Variants in BRIP1 observed in about 807,000 individuals in gnomAD.
The protein encoded by BRIP1 is BRCA1 interacting DNA helicase 1.
A neutral mutation model predicts 119.7 loss-of-function variants in BRIP1; 88 were observed. The observed-to-expected ratio is 0.74, with a 90% CI of 0.62 to 0.88. The LOEUF (loss-of-function observed/expected upper bound fraction) is 0.88. Ranked by LOEUF, BRIP1 falls within the 40% of genes least tolerant of loss-of-function variation. The pLI is 0.00. For synonymous variants in BRIP1, 443 were observed against 496.5 expected (o/e 0.89, Z 1.43); for missense variants, 1,259 against 1,455.4 (o/e 0.87, Z 2.20).
rs532612544 is a variant in BRIP1 at position 61,827,428 on chromosome 17, T to C, written c.628-18671A>G. ...TGTACCCCTGAACTTAAAATAAAAA[T>C]TAAATTTAAAAAAAATGGGGCTGGG... On this transcript the variant is annotated intron_variant, in intron 6 of 19. Coordinates refer to ENST00000259008, the MANE Select transcript of BRIP1 (RefSeq NM_032043.3). This position sits in a 1 kb window ranked among gnomAD's most constrained non-coding sequence, Gnocchi z 5.8. 5.9e-5 allele frequency among the ~76,000 whole-genome samples: 9 copies of C among 151,884 alleles called. No individual in the cohort carries two copies. Among genetic ancestry groups the C allele is most frequent in the Non-Finnish European group, 8.8e-5 (6 of 67,976 alleles).
Position 61,789,596 on chromosome 17 carries a change from A to G in BRIP1, c.1473+4001T>C, listed in dbSNP as rs2077784991. Among the ~76,000 whole-genome samples the G allele has an allele frequency of 6.6e-6, 1 of 152,196 alleles. No homozygotes were observed. Among genetic ancestry groups the G allele is most frequent in the South Asian group, 2.1e-4 (1 of 4,832 alleles). The stretch of plus-strand genomic sequence containing the variant: ...ACAATTCATAAGGGATGTTCATATC[A>G]GAACTGTTTATTATACTGGGAAACT... On this transcript the variant is annotated intron_variant, in intron 10 of 19. Coordinates refer to ENST00000259008, the MANE Select transcript of BRIP1 (RefSeq NM_032043.3). This position sits in a 1 kb window ranked among gnomAD's most constrained non-coding sequence, Gnocchi z 4.8.
intron 5 of BRIP1, 142 bp from the exon 6 acceptor site, chr17:61,847,362 T>A (rs1368937364): frequency 1.1e-6 from 1 of 911,048 alleles, no homozygotes; most frequent in African/African-American, 1.7e-5. Flanking sequence ...ATAAAAGAAA[T>A]TTTAAAAATG....
intron 7 of BRIP1, among the ~76,000 whole-genome samples, chr17:61,801,939 T>A (rs776187455): frequency 2.0e-5 from 3 of 152,128 alleles, no homozygotes; most frequent in Admixed American, 6.5e-5. Flanking sequence ...TAGTATTTCT[T>A]ATTCAAATAT....
At chr17:61,787,213 ATATAT>A (rs1419406207) in intron 10 of BRIP1, among the ~76,000 whole-genome samples, 3 of 66,458 alleles carry the variant, frequency 4.5e-5, no homozygotes, top group African/African-American at 2.4e-4. Context: ...ATATATAAAA[ATATAT>A]TATATACTAT....
intron 17 of BRIP1, among the ~76,000 whole-genome samples, chr17:61,707,364 T>C (rs2061705917): frequency 6.6e-6 from 1 of 152,136 alleles, no homozygotes; most frequent in Non-Finnish European, 1.5e-5. Flanking sequence ...AAGGGCACAG[T>C]GAAGTGCTTT....
chr17:61,747,902 A>ATT lies in BRIP1; in HGVS notation c.2098-3313_2098-3312dup, dbSNP rs35956751. Among the ~76,000 whole-genome samples, 913 of 141,150 alleles carry ATT rather than the reference A, an allele frequency of 6.5e-3. 7 individuals are homozygous for ATT. The highest frequency in any genetic ancestry group is 0.016 in the African/African-American group (623 of 38,418). 92.6% of individuals were successfully genotyped at this position (141,150 alleles called of 152,430 possible). A position where few individuals can be genotyped will look rare whatever the true frequency, so the allele number is the denominator to read the frequency against. On this transcript the variant is annotated intron_variant, in intron 14 of 19. Transcript: ENST00000259008. Reference sequence around the variant, plus strand: ...AGGCATGAGCCACCATGCCCTGGTAATTTTTTTTTTTTTTTTGTAGGTATG... The same window carrying ATT: ...AGGCATGAGCCACCATGCCCTGGTAATTTTTTTTTTTTTTTTTTGTAGGTATG...
In BRIP1 at chr17:61,769,477, T is replaced by C. The variant is rs2077417109; in HGVS notation, c.2097+6924A>G. ...ATAATATTAATACATTTAATAACTG[T>C]AGTCACTGTACTATGTGAGAATTGA... is the stretch of plus-strand genomic sequence containing the variant. On this transcript the variant is annotated intron_variant, in intron 14 of 19. Transcript: ENST00000259008. This position sits in a 1 kb window ranked among gnomAD's most constrained non-coding sequence, Gnocchi z 4.9. 1.3e-5 allele frequency among the ~76,000 whole-genome samples: 2 copies of C among 152,166 alleles called. No homozygotes were observed. The highest frequency in any genetic ancestry group is 6.6e-5 in the Admixed American group (1 of 15,266).
chr17:61,726,690 T>TA lies in BRIP1; in HGVS notation c.2380-10628dup, dbSNP rs1038537175. Among the ~76,000 whole-genome samples the TA allele has an allele frequency of 2.6e-5, 4 of 152,212 alleles. No homozygotes were observed. The highest frequency in any genetic ancestry group is 9.6e-5 in the African/African-American group (4 of 41,454). On this transcript the variant is annotated intron_variant, in intron 16 of 19. Transcript: ENST00000259008. The surrounding 1 kb of genome is among the most constrained non-coding windows in gnomAD (Gnocchi z 6.2). ...TCAAACAGTTTTGAAACAAATATTT[T>TA]AAAAAATAACTTCTACAATTGATCT...
Position 61,682,816 on chromosome 17 carries a change from C to A in BRIP1, c.*480G>T. ...AAGGAAGACTTATTTGAGGACAGTA[C>A]TTTGTATGAATTACTTTATCAAAAC... On this transcript the variant is annotated 3_prime_UTR_variant, in exon 20 of 20. Transcript: ENST00000259008. The surrounding 1 kb of genome is among the most constrained non-coding windows in gnomAD (Gnocchi z 4.9). 5.2e-6 allele frequency: 1 copy of A among 191,972 alleles called. No individual in the cohort carries two copies. Among genetic ancestry groups the A allele is most frequent in the Non-Finnish European group, 1.1e-5 (1 of 91,950 alleles). The allele number at this position is 191,972 out of a possible 1,614,324, so 11.9% of individuals were successfully genotyped here. A position where few individuals can be genotyped will look rare whatever the true frequency, so the allele number is the denominator to read the frequency against.
In BRIP1 at chr17:61,856,944, A is replaced by G. The variant is rs2078903290; in HGVS notation, c.379+114T>C. ...TTTAAAATCATTCCAGAGAAACTAG[A>G]TAGAGATATATAATCAGTTATGCTA... On this transcript the variant is annotated intron_variant, in intron 4 of 19. Coordinates refer to ENST00000259008, the MANE Select transcript of BRIP1 (RefSeq NM_032043.3). This position sits in a 1 kb window ranked among gnomAD's most constrained non-coding sequence, Gnocchi z 5.1. The G allele has an allele frequency of 2.0e-6, 2 of 1,014,684 alleles. No homozygotes were observed. The highest frequency in any genetic ancestry group is 3.2e-5 in the African/African-American group (2 of 62,678). The allele number at this position is 1,014,684 out of a possible 1,614,324, so 62.9% of individuals were successfully genotyped here.
At chr17:61,764,230 C>T (rs2077318761) in intron 14 of BRIP1, among the ~76,000 whole-genome samples, 1 of 152,172 alleles carries the variant, frequency 6.6e-6, no homozygotes, top group Non-Finnish European at 1.5e-5. Context: ...TCTCTGTAAG[C>T]ACACCATCAG....
chr17:61,689,902 AG>A lies in BRIP1; in HGVS notation c.2575+3527del, dbSNP rs1234664044. Among the ~76,000 whole-genome samples, 1 of 152,102 alleles carries A rather than the reference AG, an allele frequency of 6.6e-6. No homozygotes were observed. Among genetic ancestry groups the A allele is most frequent in the Non-Finnish European group, 1.5e-5 (1 of 68,004 alleles). ...TGGTGCATGCCTGTAGTCCCAGCTGAGGCTGAGGTGGGAGGATCACTTGAGC... is the reference window on the plus strand; with the variant it reads ...TGGTGCATGCCTGTAGTCCCAGCTGAGCTGAGGTGGGAGGATCACTTGAGC... On this transcript the variant is annotated intron_variant, in intron 18 of 19. Transcript: ENST00000259008. This position sits in a 1 kb window ranked among gnomAD's most constrained non-coding sequence, Gnocchi z 4.5.
Position 61,805,870 on chromosome 17 carries a change from G to A in BRIP1, c.918+2597C>T, listed in dbSNP as rs574934189. ...GTGCCTTTAGAATCTATGACTATGA[G>A]CTATTAAGTCTCATTTTAACCAAAA... On this transcript the variant is annotated intron_variant, in intron 7 of 19. Coordinates refer to ENST00000259008, the MANE Select transcript of BRIP1 (RefSeq NM_032043.3). This position sits in a 1 kb window ranked among gnomAD's most constrained non-coding sequence, Gnocchi z 5.6. Among the ~76,000 whole-genome samples the A allele has an allele frequency of 6.6e-6, 1 of 152,184 alleles. No individual in the cohort carries two copies. Among genetic ancestry groups the A allele is most frequent in the East Asian group, 1.9e-4 (1 of 5,182 alleles).
At chr17:61,787,730 C>T (rs1434606454) in intron 10 of BRIP1, among the ~76,000 whole-genome samples, 3 of 152,020 alleles carry the variant, frequency 2.0e-5, no homozygotes, top group Non-Finnish European at 2.9e-5. Context: ...CTGCAAGCTC[C>T]GCCTCCCAGG....
chr17:61,688,671 C>T, intron 18 of BRIP1, among the ~76,000 whole-genome samples: 1 of 149,638 alleles, frequency 6.7e-6, no homozygotes, highest in East Asian at 2.0e-4. Context: ...GTGTGGATAC[C>T]ATACAAGGTT....
At position 61,846,226 on chromosome 17, in the gene BRIP1, TAGAGAG is replaced by T. The variant is rs922141689; in HGVS notation, c.627+869_627+874del. On this transcript the variant is annotated intron_variant, in intron 6 of 19. Transcript: ENST00000259008. The surrounding 1 kb of genome is among the most constrained non-coding windows in gnomAD (Gnocchi z 4.3). Reference sequence around the variant, plus strand: ...ATAAATTTAAAAAATTATATACATATAGAGAGAGAGAGAGAGAAAAAGAGAGAGAGA... The same window carrying T: ...ATAAATTTAAAAAATTATATACATATAGAGAGAGAGAAAAAGAGAGAGAGA... Among the ~76,000 whole-genome samples the T allele has an allele frequency of 9.2e-5, 13 of 141,044 alleles. No individual in the cohort carries two copies. The highest frequency in any genetic ancestry group is 1.6e-4 in the Non-Finnish European group (10 of 62,820). The allele number at this position is 141,044 out of a possible 152,430, so 92.5% of individuals were successfully genotyped here.
At position 61,742,163 on chromosome 17, in the gene BRIP1, A is replaced by C. The variant is rs1027611078; in HGVS notation, c.2379+850T>G. 2.0e-5 allele frequency among the ~76,000 whole-genome samples: 3 copies of C among 152,344 alleles called. No individual in the cohort carries two copies. The East Asian group carries it at 5.8e-4, about 29-fold the overall frequency. Reference sequence around the variant, plus strand: ...TAAACCTCATGAAACAACCTCTGCTAGCTTCAAACTTTTCTGCAGCCTCCT... The same window carrying C: ...TAAACCTCATGAAACAACCTCTGCTCGCTTCAAACTTTTCTGCAGCCTCCT... On this transcript the variant is annotated intron_variant, in intron 16 of 19. Transcript: ENST00000259008. This position sits in a 1 kb window ranked among gnomAD's most constrained non-coding sequence, Gnocchi z 4.7.
At position 61,746,589 on chromosome 17, in the gene BRIP1, A is replaced by C. The variant is rs1161349255; in HGVS notation, c.2098-1998T>G. ...AAGTCAAAAATTGTCACAAGAGACA[A>C]AAAAAAAGGACATTATATAATGATA... On this transcript the variant is annotated intron_variant, in intron 14 of 19. Transcript: ENST00000259008. The surrounding 1 kb of genome is among the most constrained non-coding windows in gnomAD (Gnocchi z 4.9). 8.3e-5 allele frequency among the ~76,000 whole-genome samples: 1 copy of C among 12,076 alleles called. No homozygotes were observed. The highest frequency in any genetic ancestry group is 2.6e-4 in the Non-Finnish European group (1 of 3,836). 7.9% of individuals were successfully genotyped at this position (12,076 alleles called of 152,430 possible). A position where few individuals can be genotyped will look rare whatever the true frequency, so the allele number is the denominator to read the frequency against.
chr17:61,767,813 T>A lies in BRIP1; in HGVS notation c.2097+8588A>T, dbSNP rs1474799642. On this transcript the variant is annotated intron_variant, in intron 14 of 19. Coordinates refer to ENST00000259008, the MANE Select transcript of BRIP1 (RefSeq NM_032043.3). The surrounding 1 kb of genome is among the most constrained non-coding windows in gnomAD (Gnocchi z 5.7). Reference sequence around the variant, plus strand: ...CATGCCAAGCTAAACTCTGTGATTATGAAAATATTTTCTGTGCCTTTGCTA... The same window carrying A: ...CATGCCAAGCTAAACTCTGTGATTAAGAAAATATTTTCTGTGCCTTTGCTA... Among the ~76,000 whole-genome samples the A allele has an allele frequency of 1.3e-5, 2 of 152,214 alleles. No homozygotes were observed. Among genetic ancestry groups the A allele is most frequent in the Non-Finnish European group, 2.9e-5 (2 of 68,038 alleles).
Sources: allele counts gnomAD v4.1 joint callset (sites outside exome capture counted in the v4.1 genomes callset), GRCh38; gene constraint gnomAD v4.1.1; non-coding constraint Gnocchi (gnomAD v3.1); transcripts MANE v1.5; gene names NCBI Gene and HGNC (gene_info 2026-07-23, HGNC 2026-07-21).